The following PPP1R12B variants were observed in gnomAD, a reference collection of about 807,000 sequenced individuals.
The protein encoded by PPP1R12B is protein phosphatase 1 regulatory subunit 12B.
In PPP1R12B, 76 loss-of-function variants were observed where a neutral mutation model predicts 126.1. The ratio of observed to expected loss-of-function variants is 0.60; its 90% CI spans 0.50 to 0.73. The LOEUF (loss-of-function observed/expected upper bound fraction) is 0.73, where lower values mean the gene tolerates loss of function less well. Among genes scored for constraint, PPP1R12B ranks in the 30% least tolerant of loss-of-function variants. The pLI, the probability that PPP1R12B is intolerant of heterozygous loss-of-function variation, is 0.00. For synonymous variants in PPP1R12B, 356 were observed against 434.7 expected, an observed-to-expected ratio of 0.82 and a Z score of 2.25; for missense variants, 1,052 against 1,205.1, an observed-to-expected ratio of 0.87 and a Z score of 1.88.
At chr1:202,502,113 A>G (rs1338601152) in intron 18 of PPP1R12B, 1 of 985,636 alleles carries the variant, frequency 1.0e-6, no homozygotes, top group Non-Finnish European at 1.2e-6. Context: ...GAACAAAATC[A>G]CTGAAACCTT....
At chr1:202,571,468 G>A (rs1688597214) in intron 23 of PPP1R12B, among the ~76,000 whole-genome samples, 2 of 151,936 alleles carry the variant, frequency 1.3e-5, no homozygotes, top group Non-Finnish European at 2.9e-5. Flanking sequence ...CTTTGAGACG[G>A]AGCCTCACTC....
chr1:202,424,414 C>T (rs1484751184), intron 3 of PPP1R12B, among the ~76,000 whole-genome samples: 2 of 151,832 alleles, frequency 1.3e-5, no homozygotes, highest in Non-Finnish European at 2.9e-5. Flanking sequence ...ACCTCCGCCT[C>T]CCAGGTTCAA....
intron 18 of PPP1R12B, among the ~76,000 whole-genome samples, chr1:202,510,213 G>A (rs1351860742): frequency 1.3e-5 from 2 of 152,184 alleles, no homozygotes; most frequent in African/African-American, 4.8e-5. Flanking sequence ...AAGGGCGTGT[G>A]TAGATACTGA....
At chr1:202,547,869 A>G (rs1413393955) in intron 18 of PPP1R12B, among the ~76,000 whole-genome samples, 1 of 152,232 alleles carries the variant, frequency 6.6e-6, no homozygotes, top group Non-Finnish European at 1.5e-5. Flanking sequence ...GTAGCCAACA[A>G]ACATTGGGAG....
chr1:202,449,351 C>G (rs1182456814), intron 13 of PPP1R12B, among the ~76,000 whole-genome samples, 180 bp downstream of exon 13: 1 of 151,816 alleles, frequency 6.6e-6, no homozygotes, highest in Non-Finnish European at 1.5e-5. Flanking sequence ...TCTTGGCTCA[C>G]TGCAACCTCC....
intron 1 of PPP1R12B, among the ~76,000 whole-genome samples, chr1:202,367,419 T>C (rs945626176): frequency 1.3e-5 from 2 of 152,218 alleles, no homozygotes; most frequent in African/African-American, 2.4e-5. Flanking sequence ...TAAAAATCTT[T>C]AGTGAGTCTT....
chr1:202,535,080 T>C (rs972132377), intron 18 of PPP1R12B, among the ~76,000 whole-genome samples: 12 of 152,116 alleles, frequency 7.9e-5, no homozygotes, highest in African/African-American at 2.9e-4. Flanking sequence ...TGTGTGTGTG[T>C]GTATCCTAAA....
rs575155956 is a variant in PPP1R12B, at chr1:202,433,695, G to A, written c.1142-961G>A. On this transcript the variant is annotated intron_variant, in intron 8 of 23. Transcript: ENST00000608999. Reference sequence around the variant, plus strand: ...CATCAATGCTCATTGAGTGATTTCTGTAGAAAACTATAGGATCTAGCAGGT... The same window carrying A: ...CATCAATGCTCATTGAGTGATTTCTATAGAAAACTATAGGATCTAGCAGGT... Among the ~76,000 whole-genome samples the A allele has an allele frequency of 2.6e-5, 4 of 152,264 alleles. No homozygotes were observed. In the East Asian group the frequency reaches 5.8e-4, roughly 22 times the overall value.
At chr1:202,381,397 GGTGTGTGTGT>G (rs773680210) in intron 1 of PPP1R12B, among the ~76,000 whole-genome samples, 4 of 23,278 alleles carry the variant, frequency 1.7e-4, no homozygotes, top group Non-Finnish European at 4.4e-4. Context: ...TGAGCTTTGG[GGTGTGTGTGT>G]GTGTGTGTGT....
chr1:202,360,864 C>T (rs1284982482), intron 1 of PPP1R12B, among the ~76,000 whole-genome samples: 2 of 150,622 alleles, frequency 1.3e-5, no homozygotes, highest in Non-Finnish European at 3.0e-5. Context: ...ACTTTTTCTA[C>T]TGTCATTTCA....
At chr1:202,366,255 A>C (rs1249776973) in intron 1 of PPP1R12B, among the ~76,000 whole-genome samples, 2 of 151,864 alleles carry the variant, frequency 1.3e-5, no homozygotes, top group African/African-American at 4.8e-5. Context: ...GTGGTGGCTC[A>C]TGCCTGTAAT....
intron 2 of PPP1R12B, among the ~76,000 whole-genome samples, chr1:202,418,234 A>G (rs1668334373): frequency 6.6e-6 from 1 of 152,218 alleles, no homozygotes; most frequent in African/African-American, 2.4e-5. Flanking sequence ...AGGTGATTTT[A>G]CTTAAAACAT....
At chr1:202,431,389 T>C (rs1330672829) in intron 7 of PPP1R12B, 91 bp from the exon 8 acceptor site, 1 of 1,046,132 alleles carries the variant, frequency 9.6e-7, no homozygotes, top group Non-Finnish European at 1.3e-6. Context: ...GTTTCTGTTA[T>C]TGCTTCCACA....
At chr1:202,358,238 A>G (rs995673635) in intron 1 of PPP1R12B, among the ~76,000 whole-genome samples, 2 of 152,094 alleles carry the variant, frequency 1.3e-5, no homozygotes, top group African/African-American at 4.8e-5. Context: ...GTCTGTGAAT[A>G]TGTTGGGGTT....
intron 1 of PPP1R12B, among the ~76,000 whole-genome samples, chr1:202,372,697 T>C (rs1462815013): frequency 6.6e-6 from 1 of 151,512 alleles, no homozygotes; most frequent in Non-Finnish European, 1.5e-5. Context: ...CACTTGGGCC[T>C]GGGAATTCAG....
At chr1:202,382,811 G>A (rs1662552583) in intron 1 of PPP1R12B, among the ~76,000 whole-genome samples, 1 of 151,868 alleles carries the variant, frequency 6.6e-6, no homozygotes, top group African/African-American at 2.4e-5. Flanking sequence ...TGGAGCCAGA[G>A]GTTACAGTGA....
rs1013527398 is a variant in PPP1R12B at position 202,364,145 on chromosome 1, GA to G, written c.291+15006del. ...GCATGGTACAGAAATAAGATATAAT[GA>G]AATGTTCTATTTATCAAACTTCTGC... On this transcript the variant is annotated intron_variant, in intron 1 of 23. Transcript: ENST00000608999. Among the ~76,000 whole-genome samples, 5 of 152,198 alleles carry G rather than the reference GA, an allele frequency of 3.3e-5. 1 individual carries two copies.
chr1:202,415,176 A>G, intron 1 of PPP1R12B, among the ~76,000 whole-genome samples: 1 of 152,314 alleles, frequency 6.6e-6, no homozygotes, highest in South Asian at 2.1e-4. Context: ...ATTAAAAAAA[A>G]CATTTCTACT....
intron 10 of PPP1R12B, chr1:202,439,181 A>T (rs1558228753): frequency 4.5e-6 from 7 of 1,549,560 alleles, no homozygotes; most frequent in Non-Finnish European, 6.2e-6. Flanking sequence ...CTCGCAGCTG[A>T]AGCTCGACCA....
Sources: gnomAD v4.1 joint callset for allele counts (sites outside exome capture counted in the v4.1 genomes callset) on GRCh38, gnomAD v4.1.1 for gene constraint, MANE v1.5 for transcripts, NCBI Gene and HGNC (gene_info 2026-07-23, HGNC 2026-07-21) for gene names.